Variants in MBNL1 observed in about 807,000 individuals in gnomAD.
The protein encoded by MBNL1 is muscleblind like splicing regulator 1, also known as muscleblind-like protein 1.
Under a neutral mutation model 42.2 loss-of-function variants are expected in MBNL1, and 8 were observed. The observed-to-expected ratio is 0.19, with a 90% confidence interval of 0.11 to 0.34. MBNL1 has a LOEUF of 0.34. Among genes scored for constraint, MBNL1 ranks in the 10% least tolerant of loss-of-function variants. The pLI is 1.00. For missense variants in MBNL1, 309 were observed against 495.3 expected (o/e 0.62, Z 3.57); for synonymous variants, 169 against 173.9 (o/e 0.97, Z 0.22).
intron 4 of MBNL1, among the ~76,000 whole-genome samples, chr3:152,436,615 T>C (rs778019729): frequency 6.6e-6 from 1 of 152,244 alleles, no homozygotes; most frequent in Non-Finnish European, 1.5e-5. Context: ...AGATTAACTT[T>C]AATGAATTAA....
intron 2 of MBNL1, among the ~76,000 whole-genome samples, chr3:152,252,552 A>G (rs762614659): frequency 1.3e-5 from 2 of 152,036 alleles, no homozygotes; most frequent in Non-Finnish European, 2.9e-5. Flanking sequence ...GTTCAAAAAT[A>G]CCTGCTTGAG....
chr3:152,386,358 A>T (rs555239105), intron 2 of MBNL1, among the ~76,000 whole-genome samples: 1 of 152,210 alleles, frequency 6.6e-6, no homozygotes, highest in African/African-American at 2.4e-5. Flanking sequence ...GTTCAAGTGT[A>T]GATGACTGAA....
intron 2 of MBNL1, among the ~76,000 whole-genome samples, chr3:152,407,967 A>T (rs981793397): frequency 1.3e-5 from 2 of 151,958 alleles, no homozygotes; most frequent in Non-Finnish European, 2.9e-5. Context: ...CATACACTGG[A>T]GTTTGTTGGG....
In MBNL1 at chr3:152,332,690, TTTTGTG is replaced by T. The variant is rs1259192201; in HGVS notation, c.174+32325_174+32330del. ...TATTTTCTCTTTGAAGTTTTCATGG[TTTTGTG>T]TGTGTGTGTGTGTGTGTGTGTGTGT... On this transcript the variant is annotated intron_variant, in intron 2 of 9. Transcript: ENST00000324210. Among the ~76,000 whole-genome samples, 43 of 129,024 alleles carry T rather than the reference TTTTGTG, an allele frequency of 3.3e-4. 1 individual carries two copies. Among genetic ancestry groups the T allele is most frequent in the Middle Eastern group, 4.0e-3 (1 of 252 alleles). The allele number at this position is 129,024 out of a possible 152,430, so 84.6% of individuals were successfully genotyped here.
intron 2 of MBNL1, chr3:152,302,563 A>G (rs987663974): frequency 1.1e-4 from 17 of 152,210 alleles, no homozygotes; most frequent in African/African-American, 4.1e-4. Context: ...CCTTCCCTTC[A>G]GATAGCAGTC....
intron 2 of MBNL1, among the ~76,000 whole-genome samples, chr3:152,393,366 A>G (rs1234199102): frequency 6.6e-6 from 1 of 152,228 alleles, no homozygotes; most frequent in Non-Finnish European, 1.5e-5. Context: ...AATCCTAGGT[A>G]TCAGATAACT....
chr3:152,373,341 GAA>G lies in MBNL1; in HGVS notation c.175-41577_175-41576del, dbSNP rs35536807. The stretch of plus-strand genomic sequence containing the variant: ...GCCTTCCAGGTGTCACTGGGGTATG[GAA>G]AAAAAAAAAAAAAAAAAAAAAACCT... On this transcript the variant is annotated intron_variant, in intron 2 of 9. Transcript: ENST00000324210. Among the ~76,000 whole-genome samples the G allele has an allele frequency of 7.9e-3, 715 of 90,512 alleles. 1 individual carries two copies. The highest frequency in any genetic ancestry group is 0.016 in the Admixed American group (121 of 7,618). The allele number at this position is 90,512 out of a possible 152,430, so 59.4% of individuals were successfully genotyped here.
chr3:152,396,051 G>C (rs2097917389), intron 2 of MBNL1: 1 of 163,100 alleles, frequency 6.1e-6, no homozygotes, highest in Non-Finnish European at 1.3e-5. Flanking sequence ...CAACGTGTTG[G>C]ATTCTCATAG....
At position 152,269,017 on chromosome 3, in the gene MBNL1, C is replaced by G. The variant is rs1382624450; in HGVS notation, c.-865C>G. 4.4e-6 allele frequency: 2 copies of G among 456,300 alleles called. No individual in the cohort carries two copies. Among genetic ancestry groups the G allele is most frequent in the Admixed American group, 2.3e-5 (1 of 42,590 alleles). The allele number at this position is 456,300 out of a possible 1,614,324, so 28.3% of individuals were successfully genotyped here. A position where few individuals can be genotyped will look rare whatever the true frequency, so the allele number is the denominator to read the frequency against. ...AAGTTCCATTTTCCGTCGCGGGCAT[C>G]TTGGAATCATGACTCCCACAATGCC... is the stretch of plus-strand genomic sequence containing the variant. On this transcript the variant is annotated 5_prime_UTR_variant, in exon 1 of 10. It adds an upstream start codon to the 5' untranslated region. Transcript: ENST00000324210.
intron 2 of MBNL1, among the ~76,000 whole-genome samples, chr3:152,251,625 T>G (rs898236428): frequency 1.3e-5 from 2 of 152,092 alleles, no homozygotes; most frequent in African/African-American, 4.8e-5. Flanking sequence ...AAAGTGCTCC[T>G]CATTGTTTAT....
At chr3:152,320,137 G>T (rs1297206032) in intron 2 of MBNL1, among the ~76,000 whole-genome samples, 1 of 152,140 alleles carries the variant, frequency 6.6e-6, no homozygotes, top group African/African-American at 2.4e-5. Context: ...AATGTTTAGT[G>T]AATTGAATGC....
chr3:152,244,826 T>C lies in MBNL1; in HGVS notation n.333+386T>C, dbSNP rs867072773. 2.2e-4 allele frequency among the ~76,000 whole-genome samples: 34 copies of C among 152,286 alleles called. No individual in the cohort carries two copies. In the Middle Eastern group the frequency reaches 0.02, roughly 91 times the overall value. ...TAATATTCTCTCACAGATATACTTT[T>C]GTTCATTTTGCATATTATTAGTTGA... On this transcript the variant is annotated intron_variant and non_coding_transcript_variant, in intron 2 of 2. Coordinates refer to the MBNL1 transcript ENST00000477171.
intron 3 of MBNL1, among the ~76,000 whole-genome samples, chr3:152,424,056 A>G (rs1283009365): frequency 2.0e-5 from 3 of 152,200 alleles, no homozygotes; most frequent in Admixed American, 2.0e-4. Context: ...CCTATTCAAC[A>G]TAGTATTGGA....
chr3:152,370,138 C>T (rs976692782), intron 2 of MBNL1, among the ~76,000 whole-genome samples: 7 of 152,176 alleles, frequency 4.6e-5, no homozygotes, highest in Admixed American at 1.3e-4. Context: ...CTCCTGTGAG[C>T]GCTTAGTGCT....
At chr3:152,331,318 G>A (rs2084380111) in intron 2 of MBNL1, among the ~76,000 whole-genome samples, 1 of 152,146 alleles carries the variant, frequency 6.6e-6, no homozygotes, top group Non-Finnish European at 1.5e-5. Context: ...TCCTGGTTTG[G>A]AAACACTAAG....
At chr3:152,309,803 G>A (rs1228179877) in intron 2 of MBNL1, among the ~76,000 whole-genome samples, 1 of 152,088 alleles carries the variant, frequency 6.6e-6, no homozygotes, top group East Asian at 1.9e-4. Flanking sequence ...CTGGAAATAA[G>A]TAGTAACATC....
chr3:152,337,826 A>G (rs905287120), intron 2 of MBNL1, among the ~76,000 whole-genome samples: 7 of 152,124 alleles, frequency 4.6e-5, no homozygotes, highest in South Asian at 2.1e-4. Flanking sequence ...ACAGAAAGTG[A>G]TAAGTTTGAT....
At chr3:152,292,521 G>A (rs1014877246) in intron 1 of MBNL1, among the ~76,000 whole-genome samples, 1 of 152,144 alleles carries the variant, frequency 6.6e-6, no homozygotes, top group South Asian at 2.1e-4. Flanking sequence ...ACTTATTTGC[G>A]TTAGTAAACA....
intron 8 of MBNL1, chr3:152,457,898 T>G (rs1736974157): frequency 1.1e-5 from 5 of 473,652 alleles, no homozygotes; most frequent in Non-Finnish European, 1.9e-5. Flanking sequence ...ATTTCATGCA[T>G]AATCTTGGAT....
Sources: gnomAD v4.1 joint callset for allele counts (sites outside exome capture counted in the v4.1 genomes callset) on GRCh38, gnomAD v4.1.1 for gene constraint, MANE v1.5 for transcripts, NCBI Gene and HGNC (gene_info 2026-07-23, HGNC 2026-07-21) for gene names.